Variants in CCDC171 observed in about 807,000 individuals in gnomAD.
The protein encoded by CCDC171 is coiled-coil domain containing 171, also known as coiled-coil domain-containing protein 171.
A neutral mutation model predicts 168.2 loss-of-function variants in CCDC171; 177 were observed. That is an observed-to-expected ratio of 1.05 (90% CI 0.93 to 1.19). The LOEUF (loss-of-function observed/expected upper bound fraction) is 1.19. CCDC171 is among the 50% of genes most tolerant of loss of function. The pLI, the probability that CCDC171 is intolerant of heterozygous loss-of-function variation, is 0.00. For missense variants in CCDC171, 1,991 were observed against 1,539.0 expected, an observed-to-expected ratio of 1.29 and a Z score of -4.91; for synonymous variants, 687 against 540.8, an observed-to-expected ratio of 1.27 and a Z score of -3.75.
chr9:15,992,776 C>T (rs1049091394), intron 3 of CCDC171, among the ~76,000 whole-genome samples: 1 of 152,154 alleles, frequency 6.6e-6, no homozygotes, highest in African/African-American at 2.4e-5. Context: ...GTGCAAAAAT[C>T]ACAAGCATTC....
At chr9:15,886,527 T>C (rs1405197289) in intron 24 of CCDC171, 5 of 152,266 alleles carry the variant, frequency 3.3e-5, no homozygotes, top group African/African-American at 1.2e-4. Context: ...GAAATGTAAA[T>C]TGGTATAGCT....
At chr9:15,904,656 A>C (rs1210894585) in intron 24 of CCDC171, among the ~76,000 whole-genome samples, 1 of 152,212 alleles carries the variant, frequency 6.6e-6, no homozygotes, top group South Asian at 2.1e-4. Context: ...GTCAGGATCA[A>C]ATTCACACAT....
intron 11 of CCDC171, among the ~76,000 whole-genome samples, chr9:15,705,647 G>A (rs1415244557): frequency 6.6e-6 from 1 of 152,044 alleles, no homozygotes; most frequent in Non-Finnish European, 1.5e-5. Context: ...TGTTATTTGG[G>A]CTCACTGTGT....
intron 7 of CCDC171, among the ~76,000 whole-genome samples, chr9:15,650,326 C>T (rs1447370627): frequency 6.6e-6 from 1 of 151,774 alleles, no homozygotes; most frequent in Non-Finnish European, 1.5e-5. Flanking sequence ...TGCAGCACAC[C>T]AACATGGCAC....
chr9:15,581,942 A>G (rs932681286), intron 4 of CCDC171, among the ~76,000 whole-genome samples: 1 of 152,236 alleles, frequency 6.6e-6, no homozygotes, highest in Non-Finnish European at 1.5e-5. Flanking sequence ...GGATCTAATT[A>G]AACTAAAGAG....
chr9:15,706,621 A>G (rs906691333), intron 11 of CCDC171, among the ~76,000 whole-genome samples: 1 of 152,150 alleles, frequency 6.6e-6, no homozygotes, highest in Admixed American at 6.6e-5. Context: ...TATTTCTTCT[A>G]ATAGTTTCAC....
chr9:15,754,380 C>T (rs376712876), intron 18 of CCDC171, among the ~76,000 whole-genome samples: 23 of 152,156 alleles, frequency 1.5e-4, no homozygotes, highest in South Asian at 8.3e-4. Context: ...TATCTTCCTC[C>T]TGGATGTTCC....
intron 18 of CCDC171, among the ~76,000 whole-genome samples, chr9:15,777,281 TG>T (rs1234882369): frequency 6.6e-6 from 1 of 152,202 alleles, no homozygotes; most frequent in Non-Finnish European, 1.5e-5. Context: ...CTTTGGCAGT[TG>T]TAAATAGAAA....
chr9:15,698,966 C>G (rs528178580), intron 11 of CCDC171, among the ~76,000 whole-genome samples: 2 of 152,280 alleles, frequency 1.3e-5, no homozygotes, highest in African/African-American at 4.8e-5. Flanking sequence ...CTTTGATATA[C>G]TGATTTTCTT....
At chr9:15,880,530 C>G (rs369078647) in intron 24 of CCDC171, among the ~76,000 whole-genome samples, 31 of 149,964 alleles carry the variant, frequency 2.1e-4, no homozygotes, top group African/African-American at 6.9e-4. Flanking sequence ...GATCTCGGCT[C>G]ATTCCAACCT....
intron 1 of CCDC171, among the ~76,000 whole-genome samples, chr9:15,556,036 G>A (rs1002862597): frequency 1.3e-5 from 2 of 152,124 alleles, no homozygotes; most frequent in African/African-American, 2.4e-5. Flanking sequence ...TGGCTACATA[G>A]TATTCCATGG....
chr9:15,966,453 A>G (rs1830797170), intron 25 of CCDC171, among the ~76,000 whole-genome samples: 1 of 152,206 alleles, frequency 6.6e-6, no homozygotes, highest in African/African-American at 2.4e-5. Context: ...GGGAAGCATG[A>G]AGAATCAAAA....
At chr9:16,008,161 G>C (rs951176778) in intron 3 of CCDC171, among the ~76,000 whole-genome samples, 1 of 152,022 alleles carries the variant, frequency 6.6e-6, no homozygotes, top group Admixed American at 6.6e-5. Context: ...TAAATCAGAG[G>C]ACTCAAAAAT....
intron 18 of CCDC171, among the ~76,000 whole-genome samples, chr9:15,758,318 A>G (rs998937166): frequency 6.6e-6 from 1 of 152,206 alleles, no homozygotes; most frequent in African/African-American, 2.4e-5. Flanking sequence ...TTGGAGCTTT[A>G]ACGTTTCACT....
At chr9:15,931,988 G>A (rs1826578060) in intron 25 of CCDC171, among the ~76,000 whole-genome samples, 1 of 151,938 alleles carries the variant, frequency 6.6e-6, no homozygotes, top group Non-Finnish European at 1.5e-5. Context: ...GTACCGTGCT[G>A]TTTTGCTTAC....
chr9:15,563,584 G>A (rs771205791), intron 1 of CCDC171, among the ~76,000 whole-genome samples: 3 of 152,116 alleles, frequency 2.0e-5, no homozygotes, highest in East Asian at 1.9e-4. Context: ...GATGAATGAC[G>A]GTGGTATTCA....
intron 4 of CCDC171, 70 bp downstream of exon 4, chr9:15,579,093 G>A: frequency 8.2e-7 from 1 of 1,226,564 alleles, no homozygotes. Flanking sequence ...TCGCTGTTGT[G>A]TGTACATCCC....
At chr9:15,824,016 A>C (rs2059907993) in intron 21 of CCDC171, among the ~76,000 whole-genome samples, 1 of 152,126 alleles carries the variant, frequency 6.6e-6, no homozygotes, top group East Asian at 1.9e-4. Flanking sequence ...ATTTTCCCCT[A>C]TCAAGCCAGT....
chr9:15,668,265 G>A (rs373386844), intron 9 of CCDC171, among the ~76,000 whole-genome samples: 2 of 152,142 alleles, frequency 1.3e-5, no homozygotes, highest in Non-Finnish European at 2.9e-5. Context: ...ATAAAGATTG[G>A]ACTGGAGGAA....
Sources: allele counts gnomAD v4.1 joint callset (sites outside exome capture counted in the v4.1 genomes callset), GRCh38; gene constraint gnomAD v4.1.1; transcripts MANE v1.5; gene names NCBI Gene and HGNC (gene_info 2026-07-23, HGNC 2026-07-21).